The following ADGRB3 variants were observed in gnomAD, a reference collection of about 807,000 sequenced individuals.
ADGRB3 encodes the protein adhesion G protein-coupled receptor B3, also known as brain-specific angiogenesis inhibitor 3.
ADGRB3 carries 37 observed loss-of-function variants against 193.4 expected under a neutral mutation model. The observed-to-expected ratio is 0.19, with a 90% CI of 0.15 to 0.25. The LOEUF (loss-of-function observed/expected upper bound fraction) is 0.25. ADGRB3 is among the 10% of genes least tolerant of loss of function. The probability of loss-of-function intolerance (pLI) is 1.00; values close to 1 mark genes in which losing one functional copy is unlikely to be tolerated. For synonymous variants in ADGRB3, 690 were observed against 644.2 expected (o/e 1.07, Z -1.08); for missense variants, 1,637 against 1,852.9 (o/e 0.88, Z 2.14).
At chr6:68,950,694 C>T (rs961323261) in intron 6 of ADGRB3, among the ~76,000 whole-genome samples, 2 of 152,054 alleles carry the variant, frequency 1.3e-5, no homozygotes, top group African/African-American at 4.8e-5. Context: ...TGCACCCTAC[C>T]ACAAACCTGC....
At chr6:69,334,037 G>A (rs1768789252) in intron 24 of ADGRB3, among the ~76,000 whole-genome samples, 1 of 150,674 alleles carries the variant, frequency 6.6e-6, no homozygotes, top group East Asian at 1.9e-4. Flanking sequence ...TATATATAAT[G>A]ACAGTAACGT....
chr6:69,236,425 C>A (rs1401603928), intron 19 of ADGRB3, among the ~76,000 whole-genome samples: 1 of 151,926 alleles, frequency 6.6e-6, no homozygotes, highest in East Asian at 1.9e-4. Context: ...TTAAACATGA[C>A]ATTGTAGGCA....
At chr6:68,910,498 G>T (rs1317009965) in intron 3 of ADGRB3, among the ~76,000 whole-genome samples, 5 of 152,136 alleles carry the variant, frequency 3.3e-5, no homozygotes, top group African/African-American at 1.2e-4. Flanking sequence ...ATGTCTGAAT[G>T]GTATTGCCTA....
chr6:68,848,162 G>A (rs1179139599), intron 3 of ADGRB3, among the ~76,000 whole-genome samples: 1 of 151,788 alleles, frequency 6.6e-6, no homozygotes, highest in Non-Finnish European at 1.5e-5. Context: ...ATAAAAATAA[G>A]AAATTGTGAC....
At chr6:68,743,105 A>C (rs1160727221) in intron 3 of ADGRB3, among the ~76,000 whole-genome samples, 1 of 151,912 alleles carries the variant, frequency 6.6e-6, no homozygotes, top group African/African-American at 2.4e-5. Flanking sequence ...TTAGCTCAGA[A>C]ATTTGCTTCA....
intron 20 of ADGRB3, among the ~76,000 whole-genome samples, chr6:69,266,219 T>G (rs903429293): frequency 6.6e-6 from 1 of 151,992 alleles, no homozygotes; most frequent in African/African-American, 2.4e-5. Flanking sequence ...AATTAGATAT[T>G]TGTATATGTA....
intron 16 of ADGRB3, among the ~76,000 whole-genome samples, chr6:69,069,807 C>A (rs55924387): frequency 0.11 from 16,983 of 150,040 alleles, 1,123 homozygotes; most frequent in Middle Eastern, 0.25. Flanking sequence ...TTTTGCAGAT[C>A]CAGTTAGGCA....
chr6:69,318,236 C>T (rs1156721391), intron 20 of ADGRB3, among the ~76,000 whole-genome samples: 1 of 151,096 alleles, frequency 6.6e-6, no homozygotes, highest in African/African-American at 2.4e-5. Context: ...TCTTTATTAA[C>T]CAAGAATGTT....
chr6:69,008,266 C>T (rs12213405), intron 11 of ADGRB3, among the ~76,000 whole-genome samples: 61,708 of 151,964 alleles, frequency 0.41, 13,190 homozygotes, highest in Middle Eastern at 0.46. Flanking sequence ...AAGTAACCCT[C>T]ATATGTCTTG....
chr6:69,027,115 G>C (rs1158294557), intron 13 of ADGRB3, among the ~76,000 whole-genome samples: 1 of 151,704 alleles, frequency 6.6e-6, no homozygotes, highest in African/African-American at 2.4e-5. Context: ...ATAATACATT[G>C]CCTAAAGCAC....
intron 3 of ADGRB3, among the ~76,000 whole-genome samples, chr6:68,880,995 GT>G: frequency 6.6e-6 from 1 of 152,066 alleles, no homozygotes. Flanking sequence ...TATTTTTTAT[GT>G]TTTTTTAAGT....
intron 17 of ADGRB3, among the ~76,000 whole-genome samples, chr6:69,080,653 C>G (rs1475735489): frequency 1.4e-5 from 2 of 140,250 alleles, no homozygotes; most frequent in Non-Finnish European, 3.1e-5. Flanking sequence ...TCGTGAGCAG[C>G]AATGAAAAAA....
At chr6:69,030,120 G>C (rs1202269346) in intron 13 of ADGRB3, among the ~76,000 whole-genome samples, 1 of 152,012 alleles carries the variant, frequency 6.6e-6, no homozygotes. Context: ...AACAACAGAT[G>C]CTGGAGAGGA....
chr6:68,876,320 C>T (rs889605353), intron 3 of ADGRB3, among the ~76,000 whole-genome samples: 4 of 151,920 alleles, frequency 2.6e-5, no homozygotes, highest in African/African-American at 4.8e-5. Flanking sequence ...GAAACTGAAG[C>T]GTATTAGTCA....
chr6:69,076,355 C>T (rs1185540654), intron 17 of ADGRB3, among the ~76,000 whole-genome samples: 2 of 152,034 alleles, frequency 1.3e-5, no homozygotes, highest in East Asian at 3.9e-4. Flanking sequence ...AACATCTTGT[C>T]CTAGTAATTC....
At chr6:69,119,629 C>T (rs914348453) in intron 17 of ADGRB3, among the ~76,000 whole-genome samples, 1 of 151,814 alleles carries the variant, frequency 6.6e-6, no homozygotes, top group Non-Finnish European at 1.5e-5. Flanking sequence ...AAGAGCATTC[C>T]AGGAAGAAGG....
intron 3 of ADGRB3, among the ~76,000 whole-genome samples, chr6:68,820,724 C>G (rs1767733240): frequency 6.6e-6 from 1 of 151,982 alleles, no homozygotes; most frequent in South Asian, 2.1e-4. Context: ...TTAGCTCCCA[C>G]AAATGAGTAA....
intron 3 of ADGRB3, among the ~76,000 whole-genome samples, chr6:68,826,150 A>G (rs1342772526): frequency 6.6e-6 from 1 of 152,234 alleles, no homozygotes. Context: ...TGCTCTTAGA[A>G]AGTCTCCATT....
chr6:69,361,985 C>T (rs933415801), intron 29 of ADGRB3, among the ~76,000 whole-genome samples: 6 of 151,936 alleles, frequency 3.9e-5, no homozygotes, highest in African/African-American at 1.4e-4. Context: ...TGGAATATTT[C>T]TCTAAATGTT....
Sources: allele counts gnomAD v4.1 joint callset (sites outside exome capture counted in the v4.1 genomes callset), GRCh38; gene constraint gnomAD v4.1.1; transcripts MANE v1.5; gene names NCBI Gene and HGNC (gene_info 2026-07-23, HGNC 2026-07-21).